Variants in TRMT2A observed in about 807,000 individuals in gnomAD.
TRMT2A encodes tRNA methyltransferase 2A, also known as tRNA (uracil-5-)-methyltransferase homolog A.
Under a neutral mutation model 59.3 loss-of-function variants are expected in TRMT2A, and 60 were observed. The observed-to-expected ratio is 1.01, with a 90% CI of 0.82 to 1.26. TRMT2A has a LOEUF of 1.26. Ranked by LOEUF, TRMT2A falls within the 50% of genes most tolerant of loss-of-function variation. The pLI is 0.00. For synonymous variants in TRMT2A, 403 were observed against 353.7 expected (o/e 1.14, Z -1.56); for missense variants, 863 against 845.2 (o/e 1.02, Z -0.26).
intron 9 of TRMT2A, 32 bp downstream of exon 9, chr22:20,113,400 T>TGCCCCCCC: frequency 3.1e-5 from 33 of 1,049,390 alleles, no homozygotes; most frequent in Non-Finnish European, 4.6e-5. Context: ...GCTGCCCCCA[T>TGCCCCCCC]CCCCACCCCC....
chr22:20,113,289 C>T (rs1038229238), intron 9 of TRMT2A, 55 bp from the exon 10 acceptor site: 139 of 1,512,818 alleles, frequency 9.2e-5, no homozygotes, highest in Non-Finnish European at 1.2e-4. Context: ...CCAGCAGGGC[C>T]AGCCCTGGGG....
chr22:20,115,505 C>A (rs566620417), intron 3 of TRMT2A, 58 bp from the exon 4 acceptor site: 217 of 1,580,206 alleles, frequency 1.4e-4, no homozygotes, highest in Non-Finnish European at 1.8e-4. Context: ...GCCTGGAAAC[C>A]CTGATTTCCC....
chr22:20,113,055 A>G, intron 10 of TRMT2A, 48 bp from the exon 11 acceptor site: 1 of 1,612,610 alleles, frequency 6.2e-7, no homozygotes, highest in East Asian at 2.2e-5. Context: ...AGAGTGCATA[A>G]CATGGTGAGC....
In TRMT2A at chr22:20,116,950, C is replaced by T; in HGVS notation, c.-44G>A. ...CCTAGACCAGGGACGCCATGGGGGC[C>T]GCCTGGCCACCTCGTCCTGGGCCTG... On this transcript the variant is annotated 5_prime_UTR_variant, in exon 1 of 12. Coordinates refer to ENST00000252136, the MANE Select transcript of TRMT2A (RefSeq NM_022727.6). 1.3e-6 allele frequency: 2 copies of T among 1,571,734 alleles called. No homozygotes were observed. The highest frequency in any genetic ancestry group is 1.4e-5 in the African/African-American group (1 of 73,950).
chr22:20,112,610 G>A lies in TRMT2A; in HGVS notation c.1831C>T (p.Pro611Ser), dbSNP rs190793910. The change falls in exon 12 of 12, where the codon CCC becomes TCC. Residue 611 changes from proline (P) to serine (S), a missense_variant. Physicochemically the swap from Pro to Ser is moderately conservative, Grantham distance 74 (BLOSUM62 -1). Transcript: ENST00000252136. ...HSPPAQPTPG[P>S]PDNTLQETGT... ...GTTTCTTGTAGGGTGTTATCTGGGG[G>A]TCCTGGTGTGGGTTGAGCTGGAGGG... is the stretch of plus-strand genomic sequence containing the variant. 45 of 1,614,112 alleles carry A rather than the reference G, an allele frequency of 2.8e-5. No homozygotes were observed. The African/African-American group carries it at 4.1e-4, about 15-fold the overall frequency.
At position 20,117,008 on chromosome 22, in the gene TRMT2A, G is replaced by C; in HGVS notation, c.-102C>G. On this transcript the variant is annotated 5_prime_UTR_variant, in exon 1 of 12. Coordinates refer to ENST00000252136, the MANE Select transcript of TRMT2A (RefSeq NM_022727.6). ...GGAAGTGGCCTGTCACAAGGGAAGT[G>C]CTCAGAGGGGAGGTGCTCACAGAGC... The C allele has an allele frequency of 4.8e-6, 7 of 1,447,732 alleles. No individual in the cohort carries two copies. Among genetic ancestry groups the C allele is most frequent in the Non-Finnish European group, 6.6e-6 (7 of 1,057,522 alleles). 89.7% of individuals were successfully genotyped at this position (1,447,732 alleles called of 1,614,324 possible).
intron 11 of TRMT2A, 35 bp downstream of exon 11, chr22:20,112,876 G>T (rs879839709): frequency 6.2e-7 from 1 of 1,612,790 alleles, no homozygotes; most frequent in Non-Finnish European, 8.5e-7. Flanking sequence ...TTGGTAGCAG[G>T]CCTAGCCCCC....
At chr22:20,113,400 T>TGCCCCCCCCCCCCCCCCCCCCTGGCCC in intron 9 of TRMT2A, 32 bp downstream of exon 9, 1 of 1,049,436 alleles carries the variant, frequency 9.5e-7, no homozygotes, top group Non-Finnish European at 1.4e-6. Context: ...GCTGCCCCCA[T>TGCCCCCCCCCCCCCCCCCCCCTGGCCC]CCCCACCCCC....
Position 20,114,810 on chromosome 22 carries a change from CTGGCCCTGCT to C in TRMT2A, c.1062_1071del (p.Gly358ValfsTer3), listed in dbSNP as rs750016739. ...AGGCAGGTCACTCCACTGGCCCTGC[CTGGCCCTGCT>C]GTGAAGTGCTGCGCTAGGGAGGTCT... On this transcript the variant is annotated frameshift_variant, in exon 6 of 12. Coordinates refer to ENST00000252136, the MANE Select transcript of TRMT2A (RefSeq NM_022727.6). LOFTEE classifies it high-confidence loss of function. The C allele has an allele frequency of 1.9e-6, 3 of 1,609,952 alleles. No individual in the cohort carries two copies. The highest frequency in any genetic ancestry group is 2.5e-6 in the Non-Finnish European group (3 of 1,179,198).
chr22:20,115,734 GC>G lies in TRMT2A; in HGVS notation c.645del (p.Glu215AspfsTer75). 6.2e-7 allele frequency: 1 copy of G among 1,612,670 alleles called. No homozygotes were observed. The highest frequency in any genetic ancestry group is 1.1e-5 in the South Asian group (1 of 91,080). On this transcript the variant is annotated frameshift_variant, in exon 3 of 12. Coordinates refer to ENST00000252136, the MANE Select transcript of TRMT2A (RefSeq NM_022727.6). LOFTEE classifies it high-confidence loss of function. ...TNRALLPWLL[E>X]QRHKHNKACC... The stretch of plus-strand genomic sequence containing the variant: ...CAGGCCTTGTTGTGCTTGTGCCTCT[GC>G]TCGAGCAGCCAGGGCAGCAAGGCAC...
rs369504468 is a variant in TRMT2A, at chr22:20,112,719, G to C, written c.1722C>G (p.Phe574Leu). 2 of 1,613,940 alleles carry C rather than the reference G, an allele frequency of 1.2e-6. No homozygotes were observed. Among genetic ancestry groups the C allele is most frequent in the Non-Finnish European group, 1.7e-6 (2 of 1,180,034 alleles). Residue 574 changes from phenylalanine (F) to leucine (L), a missense_variant, in exon 12 of 12, where the codon TTC becomes TTG. Coordinates refer to ENST00000252136, the MANE Select transcript of TRMT2A (RefSeq NM_022727.6). ...RPVKAVAVDL[F>L]PQTPHCEMLI... ...GCATCTCACAGTGCGGGGTCTGCGG[G>C]AACAGGTCCACTGCCACAGCCTTGA...
intron 3 of TRMT2A, 83 bp downstream of exon 3, chr22:20,115,589 G>C (rs2049986449): frequency 6.4e-7 from 1 of 1,568,948 alleles, no homozygotes; most frequent in African/African-American, 1.4e-5. Flanking sequence ...CACAAAGCAG[G>C]GAGATCAACA....
chr22:20,114,733 C>G (rs185037887), intron 6 of TRMT2A, 28 bp downstream of exon 6: 1 of 1,608,858 alleles, frequency 6.2e-7, no homozygotes, highest in East Asian at 2.2e-5. Flanking sequence ...CCTGCAGGGA[C>G]CTGCCCCGCC....
Position 20,112,644 on chromosome 22 carries a change from C to T in TRMT2A, c.1797G>A (p.Gly599=). The T allele has an allele frequency of 1.9e-6, 3 of 1,612,054 alleles. No homozygotes were observed. Among genetic ancestry groups the T allele is most frequent in the Non-Finnish European group, 2.5e-6 (3 of 1,178,622 alleles). ...VEHPNGTGVL[G]PHSPPAQPTP... is the part of the protein sequence containing the mutation. Reference sequence around the variant, plus strand: ...TGGGTTGAGCTGGAGGGCTGTGGGGCCCCAAGACCCCTGTGCCATTGGGGT... The same window carrying T: ...TGGGTTGAGCTGGAGGGCTGTGGGGTCCCAAGACCCCTGTGCCATTGGGGT... The change falls in exon 12 of 12, where the codon GGG becomes GGA. Residue 599 remains glycine, a synonymous_variant. Transcript: ENST00000252136.
Position 20,112,901 on chromosome 22 carries a change from A to G in TRMT2A, c.1646+10T>C. Reference sequence around the variant, plus strand: ...GCCTAGCCCCCACCCAGGCCCCTGCAGACACTCACTCCACAAAGTTGCCCA... The same window carrying G: ...GCCTAGCCCCCACCCAGGCCCCTGCGGACACTCACTCCACAAAGTTGCCCA... On this transcript the variant is annotated intron_variant, in intron 11 of 11. Transcript: ENST00000252136. 6.2e-7 allele frequency: 1 copy of G among 1,613,454 alleles called. No individual in the cohort carries two copies. The highest frequency in any genetic ancestry group is 8.5e-7 in the Non-Finnish European group (1 of 1,179,956).
rs997203416 is a variant in TRMT2A, at chr22:20,113,119, C to T, written c.1548G>A (p.Leu516=). 1.9e-6 allele frequency: 3 copies of T among 1,603,998 alleles called. No individual in the cohort carries two copies. Among genetic ancestry groups the T allele is most frequent in the African/African-American group, 1.3e-5 (1 of 74,838 alleles). ...VAILDPPRAG[L]HSKVILAIRR... is the part of the protein sequence containing the mutation. ...CCTCCTTAAGCAAAAGCCACTCACGCAAGCCAGCACGGGGTGGGTCCAGGA... is the reference window on the plus strand; with the variant it reads ...CCTCCTTAAGCAAAAGCCACTCACGTAAGCCAGCACGGGGTGGGTCCAGGA... The change falls in exon 10 of 12, where the codon TTG becomes TTA. Residue 516 remains leucine, a splice_region_variant and synonymous_variant. Coordinates refer to ENST00000252136, the MANE Select transcript of TRMT2A (RefSeq NM_022727.6).
At chr22:20,115,170 G>C in intron 4 of TRMT2A, 91 bp from the exon 5 acceptor site, 1 of 1,570,732 alleles carries the variant, frequency 6.4e-7, no homozygotes, top group Non-Finnish European at 8.7e-7. Flanking sequence ...TCATCTGGCT[G>C]AAATGGCAGG....
chr22:20,113,091 C>T (rs1161643266), intron 10 of TRMT2A, 27 bp downstream of exon 10: 4 of 1,609,474 alleles, frequency 2.5e-6, no homozygotes, highest in Non-Finnish European at 1.7e-6. Context: ...CGTTCCCGTG[C>T]CACCTCCTTA....
chr22:20,112,822 G>A, intron 11 of TRMT2A, 28 bp from the exon 12 acceptor site: 2 of 1,612,766 alleles, frequency 1.2e-6, no homozygotes, highest in Non-Finnish European at 8.5e-7. Context: ...GGGCGCTAAG[G>A]TCAGCCGATA....
Sources: allele counts gnomAD v4.1 joint callset, GRCh38; gene constraint gnomAD v4.1.1; transcripts MANE v1.5; gene names NCBI Gene and HGNC (gene_info 2026-07-23, HGNC 2026-07-21).